Variants in EXOC4 observed in about 807,000 individuals in gnomAD.
EXOC4 encodes SEC8-like 1.
In EXOC4, 71 loss-of-function variants were observed where a neutral mutation model predicts 107.2. The ratio of observed to expected loss-of-function variants is 0.66; its 90% confidence interval spans 0.55 to 0.81. The LOEUF (loss-of-function observed/expected upper bound fraction) is 0.81, where lower values mean the gene tolerates loss of function less well. Ranked by LOEUF, EXOC4 falls within the 30% of genes least tolerant of loss-of-function variation. The probability of loss-of-function intolerance (pLI) is 0.00; values close to 1 mark genes in which losing one functional copy is unlikely to be tolerated. For synonymous variants in EXOC4, 456 were observed against 441.2 expected, an observed-to-expected ratio of 1.03 and a Z score of -0.42; for missense variants, 1,108 against 1,189.6, an observed-to-expected ratio of 0.93 and a Z score of 1.01.
chr7:133,905,496 G>A (rs573706470), intron 12 of EXOC4, among the ~76,000 whole-genome samples: 1 of 152,262 alleles, frequency 6.6e-6, no homozygotes, highest in African/African-American at 2.4e-5. Context: ...CAAGCAGAGT[G>A]CTTCCCTCCC....
Position 133,475,311 on chromosome 7 carries a change from TTTATC to T in EXOC4, c.1183-15_1183-11del, listed in dbSNP as rs1798984860. On this transcript the variant is annotated splice_polypyrimidine_tract_variant and intron_variant, in intron 7 of 17. Transcript: ENST00000253861. ...AAATGTGTATATTAACATTAACTGA[TTTATC>T]TGGTTGTACAGATGCTATTAACTGA... is the stretch of plus-strand genomic sequence containing the variant. 6.3e-7 allele frequency: 1 copy of T among 1,586,672 alleles called. No homozygotes were observed. The highest frequency in any genetic ancestry group is 1.4e-5 in the African/African-American group (1 of 73,928).
chr7:133,645,086 C>CTTTTTTTTTT (rs35058872), intron 10 of EXOC4, among the ~76,000 whole-genome samples: 1 of 123,966 alleles, frequency 8.1e-6, no homozygotes, highest in Non-Finnish European at 1.6e-5. Flanking sequence ...CTTCTGCCAC[C>CTTTTTTTTTT]TTTTTTTTTT....
chr7:134,034,240 A>T (rs186201480), intron 17 of EXOC4, among the ~76,000 whole-genome samples: 1 of 152,330 alleles, frequency 6.6e-6, no homozygotes, highest in Non-Finnish European at 1.5e-5. Flanking sequence ...GTTGAAAAAG[A>T]ACCTAAGATG....
intron 9 of EXOC4, among the ~76,000 whole-genome samples, chr7:133,506,918 C>CT (rs910990238): frequency 4.6e-5 from 7 of 151,720 alleles, no homozygotes; most frequent in African/African-American, 7.2e-5. Flanking sequence ...TTTTATTGGA[C>CT]TTTTTTTTAT....
At chr7:133,962,461 A>G (rs1585281841) in intron 14 of EXOC4, among the ~76,000 whole-genome samples, 1 of 152,168 alleles carries the variant, frequency 6.6e-6, no homozygotes, top group Non-Finnish European at 1.5e-5. Context: ...ATTAGGTTAA[A>G]TTAATTAAAA....
intron 7 of EXOC4, among the ~76,000 whole-genome samples, chr7:133,433,586 G>A (rs1193999634): frequency 6.6e-6 from 1 of 152,208 alleles, no homozygotes; most frequent in Non-Finnish European, 1.5e-5. Flanking sequence ...CTTGTTGTAT[G>A]CTGCTGAATT....
chr7:133,371,390 A>G (rs1796373553), intron 6 of EXOC4, among the ~76,000 whole-genome samples: 1 of 152,158 alleles, frequency 6.6e-6, no homozygotes, highest in Non-Finnish European at 1.5e-5. Flanking sequence ...TATACTTATC[A>G]GTCAGTTCCC....
chr7:133,462,308 G>A (rs1584935876), intron 7 of EXOC4, among the ~76,000 whole-genome samples: 1 of 152,096 alleles, frequency 6.6e-6, no homozygotes, highest in Admixed American at 6.6e-5. Flanking sequence ...CTACTGGTGG[G>A]GGATATTGAC....
chr7:133,479,925 G>A, intron 8 of EXOC4, 125 bp from the exon 9 acceptor site: 2 of 790,596 alleles, frequency 2.5e-6, no homozygotes, highest in South Asian at 1.6e-5. Flanking sequence ...TATAGCCAAA[G>A]TGTCTTCATC....
At chr7:133,666,921 C>T (rs1022875097) in intron 10 of EXOC4, among the ~76,000 whole-genome samples, 1 of 152,146 alleles carries the variant, frequency 6.6e-6, no homozygotes, top group African/African-American at 2.4e-5. Context: ...GGTGCAAGTA[C>T]AGATTCTTAC....
rs142551006 is a variant in EXOC4, at chr7:134,028,453, G to A, written c.2687+20618G>A. On this transcript the variant is annotated intron_variant, in intron 17 of 17. Transcript: ENST00000253861. Reference sequence around the variant, plus strand: ...TCAAAATTCTACTAAACTATAAGTCGAAACAAAATATAAGAACCGCAATTA... The same window carrying A: ...TCAAAATTCTACTAAACTATAAGTCAAAACAAAATATAAGAACCGCAATTA... 2.4e-4 allele frequency among the ~76,000 whole-genome samples: 36 copies of A among 152,232 alleles called. No individual in the cohort carries two copies. The East Asian group carries it at 5.6e-3, about 24-fold the overall frequency.
chr7:133,992,753 C>T (rs758210541), intron 14 of EXOC4, among the ~76,000 whole-genome samples: 1 of 148,054 alleles, frequency 6.8e-6, no homozygotes, highest in African/African-American at 2.5e-5. Context: ...CTTTCTTTAT[C>T]TTACCTAATT....
intron 9 of EXOC4, among the ~76,000 whole-genome samples, chr7:133,559,533 A>G (rs1000400493): frequency 1.3e-5 from 2 of 152,132 alleles, no homozygotes; most frequent in Non-Finnish European, 2.9e-5. Context: ...GTGTTTCCCA[A>G]TTCCAAATGC....
intron 3 of EXOC4, among the ~76,000 whole-genome samples, chr7:133,293,779 A>G (rs1794459635): frequency 6.6e-6 from 1 of 152,228 alleles, no homozygotes; most frequent in Non-Finnish European, 1.5e-5. Context: ...TTCAAGGTAA[A>G]CAGCTGCTGT....
chr7:133,932,911 GGAGA>G (rs10561566), intron 13 of EXOC4, among the ~76,000 whole-genome samples: 75 of 149,206 alleles, frequency 5.0e-4, no homozygotes, highest in Non-Finnish European at 8.0e-4. Context: ...AATAGGACCA[GGAGA>G]GAGAGAGAGA....
At chr7:133,341,561 G>A (rs1028379895) in intron 5 of EXOC4, among the ~76,000 whole-genome samples, 4 of 152,150 alleles carry the variant, frequency 2.6e-5, no homozygotes, top group Admixed American at 2.0e-4. Context: ...TTGTTCTATG[G>A]TATGGTTAAG....
chr7:134,084,476 G>A, the EXOC4 span, among the ~76,000 whole-genome samples: 216 of 152,236 alleles, frequency 1.4e-3, 1 homozygote, highest in Non-Finnish European at 2.6e-3. Context: ...GAGAAACCTC[G>A]CTGAGAAAGC....
At chr7:133,976,889 G>A (rs1457092543) in intron 14 of EXOC4, among the ~76,000 whole-genome samples, 3 of 152,214 alleles carry the variant, frequency 2.0e-5, no homozygotes, top group African/African-American at 4.8e-5. Flanking sequence ...AAGGGAACAT[G>A]CAAAACTTTA....
chr7:133,777,279 A>AAG (rs151199039), intron 10 of EXOC4, among the ~76,000 whole-genome samples: 127 of 1,786 alleles, frequency 0.071, 1 homozygote, highest in African/African-American at 0.092. Context: ...GAGAGAGAGA[A>AAG]AGAGAGAGAG....
Sources: gnomAD v4.1 joint callset for allele counts (sites outside exome capture counted in the v4.1 genomes callset) on GRCh38, gnomAD v4.1.1 for gene constraint, MANE v1.5 for transcripts, NCBI Gene and HGNC (gene_info 2026-07-23, HGNC 2026-07-21) for gene names.